Variants in OGDH observed in about 807,000 individuals in gnomAD.
OGDH encodes 2-oxoglutarate dehydrogenase complex component E1.
OGDH carries 38 observed loss-of-function variants against 116.6 expected under a neutral mutation model. That is an observed-to-expected ratio of 0.33 (90% CI 0.25 to 0.43). OGDH has a LOEUF of 0.43. Among genes scored for constraint, OGDH ranks in the 20% least tolerant of loss-of-function variants. The probability of loss-of-function intolerance (pLI) is 1.00; values close to 1 mark genes in which losing one functional copy is unlikely to be tolerated. For synonymous variants in OGDH, 488 were observed against 533.3 expected (o/e 0.92, Z 1.17); for missense variants, 825 against 1,357.2 (o/e 0.61, Z 6.16).
At chr7:44,679,418 A>T (rs1427103324) in intron 9 of OGDH, among the ~76,000 whole-genome samples, 1 of 152,238 alleles carries the variant, frequency 6.6e-6, no homozygotes, top group Non-Finnish European at 1.5e-5. Flanking sequence ...CACCTGCCAC[A>T]TCCACCAAAA....
In OGDH at chr7:44,620,359, A is replaced by G. The variant is rs532904489; in HGVS notation, c.-27-3958A>G. On this transcript the variant is annotated intron_variant, in intron 1 of 22. Coordinates refer to ENST00000222673, the MANE Select transcript of OGDH (RefSeq NM_002541.4). ...TGATGAAATCCAATTTGTGGTTTTT[A>G]TTTTGTTGTTTATACTTGTGGTGTC... is the stretch of plus-strand genomic sequence containing the variant. Among the ~76,000 whole-genome samples the G allele has an allele frequency of 8.5e-5, 13 of 152,216 alleles. No individual in the cohort carries two copies. The South Asian group carries it at 2.7e-3, about 32-fold the overall frequency.
intron 1 of OGDH, among the ~76,000 whole-genome samples, chr7:44,618,569 T>A (rs529643007): frequency 2.0e-5 from 3 of 152,252 alleles, no homozygotes; most frequent in Non-Finnish European, 4.4e-5. Flanking sequence ...AATAAGCATG[T>A]ATTTTGTTAA....
rs1786250679 is a variant in OGDH, at chr7:44,647,670, A to G, written c.428A>G (p.His143Arg). The G allele has an allele frequency of 6.2e-7, 1 of 1,613,378 alleles. No homozygotes were observed. The highest frequency in any genetic ancestry group is 8.5e-7 in the Non-Finnish European group (1 of 1,179,876). ...GGCCACTCATAGATACGAGGGCACC[A>G]TGTAGCACAGCTGGACCCCCTGGGG... ...LIRAYQIRGH[H>R]VAQLDPLGIL... The change falls in exon 4 of 23, where the codon CAT becomes CGT. Residue 143 changes from histidine to arginine, a missense_variant. By Grantham distance (29) the His-to-Arg change is conservative (BLOSUM62 0). This residue lies in a region of OGDH where 171 missense variants were observed against 276.8 expected (regional missense o/e 0.62). Coordinates refer to ENST00000222673, the MANE Select transcript of OGDH (RefSeq NM_002541.4).
chr7:44,627,035 C>T (rs1275546121), intron 2 of OGDH, among the ~76,000 whole-genome samples: 1 of 152,162 alleles, frequency 6.6e-6, no homozygotes, highest in Non-Finnish European at 1.5e-5. Flanking sequence ...CTCACTCTGT[C>T]GCTCAGACTG....
intron 4 of OGDH, among the ~76,000 whole-genome samples, chr7:44,662,826 C>T (rs930102545): frequency 6.6e-6 from 1 of 152,138 alleles, no homozygotes; most frequent in Non-Finnish European, 1.5e-5. Context: ...ATTGTTTTCC[C>T]TATAGGTAAA....
At chr7:44,688,431 CTT>C (rs375502677) in intron 10 of OGDH, among the ~76,000 whole-genome samples, 3 of 128,242 alleles carry the variant, frequency 2.3e-5, no homozygotes, top group Non-Finnish European at 4.7e-5. Context: ...TTTATATATA[CTT>C]TTTTTTTTTT....
At chr7:44,614,308 TTTTG>T (rs1303029210) in intron 1 of OGDH, among the ~76,000 whole-genome samples, 4 of 150,434 alleles carry the variant, frequency 2.7e-5, no homozygotes, top group East Asian at 1.9e-4. Flanking sequence ...TTTTTGTTTT[TTTTG>T]TTTGTTTGTT....
intron 9 of OGDH, among the ~76,000 whole-genome samples, chr7:44,677,960 A>T (rs960552857): frequency 3.3e-5 from 5 of 152,086 alleles, no homozygotes; most frequent in African/African-American, 1.2e-4. Context: ...TACTACTGTC[A>T]TGCTTACAGT....
chr7:44,705,468 G>A (rs985180804), intron 20 of OGDH, among the ~76,000 whole-genome samples: 4 of 152,080 alleles, frequency 2.6e-5, no homozygotes, highest in African/African-American at 9.7e-5. Flanking sequence ...TTTGCCCTAT[G>A]TTTTCTTCTG....
chr7:44,663,488 G>T lies in OGDH; in HGVS notation c.518-3248G>T, dbSNP rs571835685. Among the ~76,000 whole-genome samples the T allele has an allele frequency of 5.9e-5, 9 of 152,318 alleles. No homozygotes were observed. The East Asian group carries it at 1.7e-3, about 29-fold the overall frequency. ...TCTCTATTAAAAATACAAAAACTAG[G>T]CCGGGTGCTGTGGCTCACGCCTTTA... On this transcript the variant is annotated intron_variant, in intron 4 of 22. Coordinates refer to ENST00000222673, the MANE Select transcript of OGDH (RefSeq NM_002541.4).
At chr7:44,641,059 A>T (rs1399960877) in intron 2 of OGDH, among the ~76,000 whole-genome samples, 6 of 149,314 alleles carry the variant, frequency 4.0e-5, no homozygotes, top group Non-Finnish European at 3.0e-5. Flanking sequence ...ACCCCCAGCT[A>T]ATTTTTGTAT....
At chr7:44,698,055 G>T in intron 17 of OGDH, 137 bp from the exon 18 acceptor site, 1 of 998,846 alleles carries the variant, frequency 1.0e-6, no homozygotes, top group Non-Finnish European at 1.5e-6. Context: ...TTGCTGGTGG[G>T]AGGGGGAAGG....
At chr7:44,673,706 G>T in intron 5 of OGDH, 81 bp from the exon 6 acceptor site, 1 of 1,393,740 alleles carries the variant, frequency 7.2e-7, no homozygotes, top group Non-Finnish European at 1.0e-6. Context: ...CCCTCCTTCT[G>T]GCTGAATGGG....
chr7:44,631,628 T>C (rs933691045), intron 2 of OGDH, among the ~76,000 whole-genome samples: 1 of 152,222 alleles, frequency 6.6e-6, no homozygotes, highest in Non-Finnish European at 1.5e-5. Flanking sequence ...TATAACCTCT[T>C]TGAAACAACA....
rs112774662 is a variant in OGDH, at chr7:44,655,372, G to A, written c.517+7613G>A. Among the ~76,000 whole-genome samples the A allele has an allele frequency of 4.0e-3, 615 of 152,342 alleles. 5 individuals are homozygous for A. The highest frequency in any genetic ancestry group is 0.014 in the African/African-American group (592 of 41,568). ...TTCTTCAGTGGTTGTTGTTCCCTGG[G>A]GGAAGGAGACAGTGTGGCTTGCCCA... On this transcript the variant is annotated intron_variant, in intron 4 of 22. Coordinates refer to ENST00000222673, the MANE Select transcript of OGDH (RefSeq NM_002541.4).
chr7:44,647,105 G>A (rs992435382), intron 3 of OGDH, among the ~76,000 whole-genome samples: 2 of 152,186 alleles, frequency 1.3e-5, no homozygotes, highest in African/African-American at 4.8e-5. Context: ...AAATGTTTAT[G>A]TTCTGAGCTG....
chr7:44,626,910 T>C (rs1348219056), intron 2 of OGDH, among the ~76,000 whole-genome samples: 2 of 152,202 alleles, frequency 1.3e-5, no homozygotes, highest in Admixed American at 6.5e-5. Flanking sequence ...ATCACTCCTC[T>C]GCCATCCCAG....
intron 4 of OGDH, among the ~76,000 whole-genome samples, chr7:44,654,046 T>C (rs936665354): frequency 6.6e-6 from 1 of 151,662 alleles, no homozygotes; most frequent in Non-Finnish European, 1.5e-5. Flanking sequence ...GTAGAGACGG[T>C]GTTTCACCAT....
intron 1 of OGDH, among the ~76,000 whole-genome samples, chr7:44,617,230 A>G (rs1251999161): frequency 6.6e-6 from 1 of 151,660 alleles, no homozygotes; most frequent in Non-Finnish European, 1.5e-5. Flanking sequence ...ACCATACCCA[A>G]CCATTTCTTT....
Sources: allele counts gnomAD v4.1 joint callset (sites outside exome capture counted in the v4.1 genomes callset), GRCh38; gene constraint gnomAD v4.1.1; regional missense constraint gnomAD v4.1.1; transcripts MANE v1.5; gene names NCBI Gene and HGNC (gene_info 2026-07-23, HGNC 2026-07-21).